Variants in ADARB2 observed in about 807,000 individuals in gnomAD.
ADARB2 encodes inactive double-stranded RNA-specific editase B2.
A neutral mutation model predicts 62.2 loss-of-function variants in ADARB2; 25 were observed. The observed-to-expected ratio is 0.40, with a 90% confidence interval of 0.29 to 0.56. The LOEUF (loss-of-function observed/expected upper bound fraction) is 0.56, where lower values mean the gene tolerates loss of function less well. ADARB2 is among the 20% of genes least tolerant of loss of function. The pLI is 0.43. For synonymous variants in ADARB2, 572 were observed against 500.8 expected (o/e 1.14, Z -1.90); for missense variants, 1,071 against 1,077.4 (o/e 0.99, Z 0.08).
In ADARB2 at chr10:1,209,500, T is replaced by G. The variant is rs532281494; in HGVS notation, c.1682+7451A>C. ...ATGCCCATGCCTACACTGTCGCCCA[T>G]GCCTACACTGTCACCCATGCCCACA... On this transcript the variant is annotated intron_variant, in intron 7 of 9. Transcript: ENST00000381312. Among the ~76,000 whole-genome samples, 47 of 84,258 alleles carry G rather than the reference T, an allele frequency of 5.6e-4. No individual in the cohort carries two copies. In the South Asian group the frequency reaches 0.021, roughly 37 times the overall value. 55.3% of individuals were successfully genotyped at this position (84,258 alleles called of 152,430 possible). A position where few individuals can be genotyped will look rare whatever the true frequency, so the allele number is the denominator to read the frequency against.
intron 1 of ADARB2, among the ~76,000 whole-genome samples, chr10:1,632,470 T>C (rs1033136756): frequency 1.3e-5 from 2 of 152,208 alleles, no homozygotes; most frequent in South Asian, 4.1e-4. Flanking sequence ...TGCACACACA[T>C]GCACACACAC....
intron 1 of ADARB2, among the ~76,000 whole-genome samples, chr10:1,484,123 C>T (rs923248104): frequency 6.6e-6 from 1 of 152,190 alleles, no homozygotes; most frequent in Admixed American, 6.5e-5. Context: ...CAATTTCCTG[C>T]TAGCTTCAGT....
chr10:1,636,773 A>T (rs1056341939), intron 1 of ADARB2, among the ~76,000 whole-genome samples: 2 of 148,946 alleles, frequency 1.3e-5, no homozygotes, highest in East Asian at 1.9e-4. Flanking sequence ...TATACAATAT[A>T]TGAAATATAT....
rs751822052 is a variant in ADARB2, at chr10:1,363,726, T to G, written c.379A>C (p.Lys127Gln). Residue 127 changes from lysine to glutamine, a missense_variant, in exon 3 of 10, where the codon AAG becomes CAG. Coordinates refer to ENST00000381312, the MANE Select transcript of ADARB2 (RefSeq NM_018702.4). Reference sequence around the variant, plus strand: ...TCGTGCAGCTGCACCAGCGCGTTCTTGGGCGCCACCGACCACGACAGCTTC... The same window carrying G: ...TCGTGCAGCTGCACCAGCGCGTTCTGGGGCGCCACCGACCACGACAGCTTC... The part of the protein sequence containing the change: ...WKKLSWSVAP[K>Q]NALVQLHELR... The G allele has an allele frequency of 6.2e-7, 1 of 1,610,430 alleles. No homozygotes were observed. The highest frequency in any genetic ancestry group is 1.7e-5 in the Admixed American group (1 of 60,008).
chr10:1,554,313 A>G (rs962516192), intron 1 of ADARB2, among the ~76,000 whole-genome samples: 16 of 152,132 alleles, frequency 1.1e-4, no homozygotes, highest in African/African-American at 3.4e-4. Context: ...TCCCTGGCCC[A>G]TGGAATCATC....
intron 1 of ADARB2, among the ~76,000 whole-genome samples, chr10:1,590,263 G>T (rs117119182): frequency 4.6e-5 from 7 of 152,326 alleles, no homozygotes; most frequent in African/African-American, 7.2e-5. Flanking sequence ...GCCTCAGATT[G>T]CTTGGCCAGA....
intron 4 of ADARB2, among the ~76,000 whole-genome samples, chr10:1,270,239 C>T (rs1831248000): frequency 6.6e-6 from 1 of 152,178 alleles, no homozygotes; most frequent in African/African-American, 2.4e-5. Flanking sequence ...TGGTCTTTTT[C>T]CGCCTTAGAT....
chr10:1,424,950 A>C (rs1832882548), intron 1 of ADARB2, among the ~76,000 whole-genome samples: 1 of 152,150 alleles, frequency 6.6e-6, no homozygotes, highest in South Asian at 2.1e-4. Context: ...TAAAGATGAA[A>C]TTTCAACCTA....
chr10:1,734,319 A>G (rs1447473120), intron 1 of ADARB2, among the ~76,000 whole-genome samples: 2 of 146,392 alleles, frequency 1.4e-5, no homozygotes. Context: ...TTTTTTTTAA[A>G]GATACATACA....
chr10:1,727,749 G>A (rs982982414), intron 1 of ADARB2, among the ~76,000 whole-genome samples: 2 of 152,166 alleles, frequency 1.3e-5, no homozygotes, highest in African/African-American at 4.8e-5. Context: ...CGGATTTCAT[G>A]TGTGTGCCTC....
chr10:1,580,384 T>G (rs1276578985), intron 1 of ADARB2, among the ~76,000 whole-genome samples: 2 of 152,178 alleles, frequency 1.3e-5, no homozygotes, highest in African/African-American at 4.8e-5. Context: ...TGTCCTGCAT[T>G]AGTTCGCTTA....
intron 3 of ADARB2, among the ~76,000 whole-genome samples, chr10:1,334,514 A>G (rs764563446): frequency 6.6e-6 from 1 of 152,214 alleles, no homozygotes; most frequent in African/African-American, 2.4e-5. Context: ...TTGCATGTTT[A>G]TATGTGTACA....
At chr10:1,475,205 T>C (rs1409143269) in intron 1 of ADARB2, among the ~76,000 whole-genome samples, 4 of 152,228 alleles carry the variant, frequency 2.6e-5, no homozygotes, top group Non-Finnish European at 5.9e-5. Context: ...CCTCCCAGAC[T>C]GAAGCCAGAG....
intron 1 of ADARB2, among the ~76,000 whole-genome samples, chr10:1,687,604 A>AT: frequency 6.6e-6 from 1 of 152,146 alleles, no homozygotes; most frequent in East Asian, 1.9e-4. Flanking sequence ...TCAAAAATAA[A>AT]TTTTTAATAG....
Position 1,444,332 on chromosome 10 carries a change from C to CTCATTCAT in ADARB2, c.101-65173_101-65172insATGAATGA, listed in dbSNP as rs1564290595. Among the ~76,000 whole-genome samples, 496 of 79,040 alleles carry CTCATTCAT rather than the reference C, an allele frequency of 6.3e-3. 7 individuals carry two copies. Among genetic ancestry groups the CTCATTCAT allele is most frequent in the African/African-American group, 0.025 (471 of 18,898 alleles). The allele number at this position is 79,040 out of a possible 152,430, so 51.9% of individuals were successfully genotyped here. ...ATCCACTCATTCATCCTTCCATCCA[C>CTCATTCAT]CCAGCCATCCACTCACCCATCCACT... On this transcript the variant is annotated intron_variant, in intron 1 of 9. Coordinates refer to ENST00000381312, the MANE Select transcript of ADARB2 (RefSeq NM_018702.4).
chr10:1,685,412 C>A (rs1269524893), intron 1 of ADARB2, among the ~76,000 whole-genome samples: 1 of 152,204 alleles, frequency 6.6e-6, no homozygotes, highest in African/African-American at 2.4e-5. Context: ...TTTCCCCCTT[C>A]TTCTCTTTCC....
chr10:1,483,519 A>C (rs952186999), intron 1 of ADARB2, among the ~76,000 whole-genome samples: 1 of 151,820 alleles, frequency 6.6e-6, no homozygotes, highest in African/African-American at 2.4e-5. Context: ...AATACTTTTC[A>C]AGAGCATTTT....
chr10:1,524,688 C>T (rs373184105), intron 1 of ADARB2, among the ~76,000 whole-genome samples: 2 of 152,180 alleles, frequency 1.3e-5, no homozygotes, highest in East Asian at 1.9e-4. Flanking sequence ...GAGAACAGCA[C>T]AGCCCGGTGG....
chr10:1,457,114 G>T (rs1831105024), intron 1 of ADARB2, among the ~76,000 whole-genome samples: 1 of 152,138 alleles, frequency 6.6e-6, no homozygotes, highest in South Asian at 2.1e-4. Flanking sequence ...TCCTGGGACA[G>T]GTTTTCATCC....
Sources: gnomAD v4.1 joint callset for allele counts (sites outside exome capture counted in the v4.1 genomes callset) on GRCh38, gnomAD v4.1.1 for gene constraint, MANE v1.5 for transcripts, NCBI Gene and HGNC (gene_info 2026-07-23, HGNC 2026-07-21) for gene names.